The following CAMK2A variants were observed in gnomAD, a reference collection of about 807,000 sequenced individuals.
The protein encoded by CAMK2A is calcium/calmodulin dependent protein kinase II alpha, also known as calcium/calmodulin-dependent protein kinase type II subunit alpha.
CAMK2A carries 7 observed loss-of-function variants against 79.2 expected under a neutral mutation model. That is an observed-to-expected ratio of 0.09 (90% CI 0.05 to 0.17). CAMK2A has a LOEUF of 0.17. Ranked by LOEUF, CAMK2A falls within the 10% of genes least tolerant of loss-of-function variation. The probability of loss-of-function intolerance (pLI) is 1.00; values close to 1 mark genes in which losing one functional copy is unlikely to be tolerated. For missense variants in CAMK2A, 214 were observed against 646.4 expected (o/e 0.33, Z 7.25); for synonymous variants, 242 against 251.7 (o/e 0.96, Z 0.36).
chr5:150,267,665 C>T (rs1010804674), intron 2 of CAMK2A, among the ~76,000 whole-genome samples: 3 of 152,110 alleles, frequency 2.0e-5, no homozygotes, highest in African/African-American at 7.2e-5. Flanking sequence ...TTTTCATTTT[C>T]CAATATACAG....
chr5:150,250,457 G>T, intron 10 of CAMK2A, 148 bp from the exon 11 acceptor site: 1 of 821,178 alleles, frequency 1.2e-6, no homozygotes, highest in Non-Finnish European at 2.0e-6. Flanking sequence ...GCTTCAGGGT[G>T]TTTAGCATCC....
rs370081187 is a variant in CAMK2A, at chr5:150,264,896, AG to A, written c.217+59del. ...CCCAACCCGCAAACACCCACGTGCC[AG>A]GGTGGGCAGGGGAGCAGGGCCTGGC... is the stretch of plus-strand genomic sequence containing the variant. On this transcript the variant is annotated intron_variant, in intron 3 of 18. Coordinates refer to ENST00000671881, the MANE Select transcript of CAMK2A (RefSeq NM_015981.4). 2.2e-4 allele frequency: 291 copies of A among 1,333,214 alleles called. 1 individual carries two copies. The African/African-American group carries it at 3.7e-3, about 17-fold the overall frequency. 82.6% of individuals were successfully genotyped at this position (1,333,214 alleles called of 1,614,324 possible). A position where few individuals can be genotyped will look rare whatever the true frequency, so the allele number is the denominator to read the frequency against.
intron 1 of CAMK2A, among the ~76,000 whole-genome samples, chr5:150,275,087 T>C (rs1323482088): frequency 6.6e-6 from 1 of 152,118 alleles, no homozygotes; most frequent in Non-Finnish European, 1.5e-5. Flanking sequence ...TGCAGAAGGA[T>C]GAGGAGGAAG....
intron 1 of CAMK2A, among the ~76,000 whole-genome samples, chr5:150,278,722 T>C (rs57360920): frequency 0.29 from 42,825 of 147,386 alleles, 6,407 homozygotes; most frequent in African/African-American, 0.38. Flanking sequence ...GGAATGCCCC[T>C]GGGTGCAAAG....
At chr5:150,266,189 G>A (rs548314057) in intron 2 of CAMK2A, among the ~76,000 whole-genome samples, 26 of 152,166 alleles carry the variant, frequency 1.7e-4, no homozygotes, top group African/African-American at 4.1e-4. Flanking sequence ...CCACACACTC[G>A]GGAGAGAGGC....
chr5:150,271,023 T>A (rs937119825), intron 2 of CAMK2A, among the ~76,000 whole-genome samples: 1 of 152,164 alleles, frequency 6.6e-6, no homozygotes, highest in African/African-American at 2.4e-5. Flanking sequence ...TGACCCTCTC[T>A]CCCACTGGGG....
intron 9 of CAMK2A, 86 bp downstream of exon 9, chr5:150,251,664 G>T: frequency 3.8e-6 from 4 of 1,039,504 alleles, no homozygotes; most frequent in Non-Finnish European, 4.2e-6. Context: ...TCACCCCTGT[G>T]CCAGAACTAG....
chr5:150,236,034 C>T (rs1755043121), intron 15 of CAMK2A, among the ~76,000 whole-genome samples: 1 of 152,048 alleles, frequency 6.6e-6, no homozygotes, highest in African/African-American at 2.4e-5. Context: ...CCATATGTGC[C>T]CTTTCTCCTC....
chr5:150,289,492 A>G (rs1269409202), intron 1 of CAMK2A, 72 bp downstream of exon 1: 1 of 1,186,828 alleles, frequency 8.4e-7, no homozygotes, highest in Non-Finnish European at 1.3e-6. Context: ...CACTGCAGGC[A>G]CACACACCCC....
At chr5:150,257,747 C>T (rs551017578) in intron 3 of CAMK2A, 130 bp from the exon 4 acceptor site, 45 of 720,336 alleles carry the variant, frequency 6.2e-5, no homozygotes, top group Admixed American at 3.2e-4. Context: ...CACCAGGTGC[C>T]AGGTGCTTTG....
intron 2 of CAMK2A, among the ~76,000 whole-genome samples, chr5:150,265,934 CAA>C (rs56772676): frequency 1.1e-4 from 9 of 83,522 alleles, no homozygotes; most frequent in Middle Eastern, 6.7e-3. Flanking sequence ...GACTTCATCT[CAA>C]AAAAAAAAAA....
intron 1 of CAMK2A, among the ~76,000 whole-genome samples, chr5:150,276,073 G>C (rs1408900533): frequency 6.6e-6 from 1 of 152,176 alleles, no homozygotes; most frequent in Non-Finnish European, 1.5e-5. Flanking sequence ...AAGGCAGTTG[G>C]GAGCTTTCAG....
intron 1 of CAMK2A, among the ~76,000 whole-genome samples, chr5:150,274,897 T>A (rs904831824): frequency 2.0e-5 from 3 of 152,118 alleles, no homozygotes; most frequent in African/African-American, 7.2e-5. Flanking sequence ...GGATGCCCCA[T>A]CCCAAGCTTA....
intron 9 of CAMK2A, among the ~76,000 whole-genome samples, chr5:150,251,356 T>A (rs959962614): frequency 6.6e-6 from 1 of 152,214 alleles, no homozygotes; most frequent in Non-Finnish European, 1.5e-5. Flanking sequence ...CCTCTCTGTA[T>A]GTCAGCTTCT....
Position 150,289,757 on chromosome 5 carries a change from A to G in CAMK2A, c.-132T>C, listed in dbSNP as rs1424010985. 1.2e-5 allele frequency: 8 copies of G among 665,498 alleles called. No individual in the cohort carries two copies. The highest frequency in any genetic ancestry group is 2.1e-5 in the Non-Finnish European group (8 of 384,960). 41.2% of individuals were successfully genotyped at this position (665,498 alleles called of 1,614,324 possible). ...TGCAAACAGAGAACCGGTTTGACTG[A>G]CGAGCCCGGGGCTTCTGAGCAGGGC... On this transcript the variant is annotated 5_prime_UTR_variant, in exon 1 of 19. Coordinates refer to ENST00000671881, the MANE Select transcript of CAMK2A (RefSeq NM_015981.4).
At chr5:150,251,448 T>G (rs565486934) in intron 9 of CAMK2A, among the ~76,000 whole-genome samples, 2 of 100,198 alleles carry the variant, frequency 2.0e-5, no homozygotes, top group East Asian at 6.8e-4. Flanking sequence ...TGTAAAACAT[T>G]CAGAGAGTGC....
At chr5:150,264,539 G>A (rs1562182117) in intron 3 of CAMK2A, among the ~76,000 whole-genome samples, 1 of 152,182 alleles carries the variant, frequency 6.6e-6, no homozygotes, top group Non-Finnish European at 1.5e-5. Context: ...CTGAGTTGGA[G>A]CTTGACCCTG....
intron 1 of CAMK2A, among the ~76,000 whole-genome samples, chr5:150,273,411 G>A (rs1182873571): frequency 1.3e-5 from 2 of 152,222 alleles, no homozygotes; most frequent in African/African-American, 4.8e-5. Context: ...TCAAAGTCGG[G>A]CTCATCATGC....
chr5:150,228,139 G>A (rs1436664257), intron 17 of CAMK2A, 53 bp downstream of exon 17: 5 of 1,462,550 alleles, frequency 3.4e-6, no homozygotes, highest in Non-Finnish European at 4.7e-6. Flanking sequence ...CCATCCAGCA[G>A]GACATGGAAC....
Sources: allele counts gnomAD v4.1 joint callset (sites outside exome capture counted in the v4.1 genomes callset), GRCh38; gene constraint gnomAD v4.1.1; transcripts MANE v1.5; gene names NCBI Gene and HGNC (gene_info 2026-07-23, HGNC 2026-07-21).